ICA1: variants seen among roughly 807,000 people sequenced by gnomAD.
The protein encoded by ICA1 is 69 kDa islet cell autoantigen.
A neutral mutation model predicts 71.0 loss-of-function variants in ICA1; 40 were observed. The ratio of observed to expected loss-of-function variants is 0.56; its 90% confidence interval spans 0.44 to 0.73. The LOEUF is 0.73. ICA1 is among the 30% of genes least tolerant of loss of function. ICA1 has a pLI of 0.00. For missense variants in ICA1, 578 were observed against 576.5 expected, an observed-to-expected ratio of 1.00 and a Z score of -0.03; for synonymous variants, 207 against 209.5, an observed-to-expected ratio of 0.99 and a Z score of 0.10.
chr7:8,176,959 C>T (rs1236399029), intron 6 of ICA1, among the ~76,000 whole-genome samples: 3 of 152,174 alleles, frequency 2.0e-5, no homozygotes, highest in Admixed American at 1.3e-4. Flanking sequence ...CACTTTACCT[C>T]CTCAATTACA....
At chr7:8,135,053 G>A (rs1179040162) in intron 12 of ICA1, among the ~76,000 whole-genome samples, 1 of 151,618 alleles carries the variant, frequency 6.6e-6, no homozygotes, top group Non-Finnish European at 1.5e-5. Context: ...TTGAGACAGA[G>A]TGTTACTCTG....
intron 13 of ICA1, among the ~76,000 whole-genome samples, chr7:8,117,494 T>C (rs1378629533): frequency 6.6e-6 from 1 of 152,240 alleles, no homozygotes. Context: ...TCTGCTTTCA[T>C]TGTATATATG....
At chr7:8,168,052 G>A (rs564755257) in intron 6 of ICA1, among the ~76,000 whole-genome samples, 3 of 152,136 alleles carry the variant, frequency 2.0e-5, no homozygotes, top group African/African-American at 7.2e-5. Context: ...GAGAGAGACG[G>A]AGAGACTGAG....
intron 8 of ICA1, among the ~76,000 whole-genome samples, chr7:8,150,235 T>C (rs1008107949): frequency 1.3e-5 from 2 of 152,204 alleles, no homozygotes; most frequent in Non-Finnish European, 2.9e-5. Context: ...GGTTTACCCA[T>C]GAGAACAATG....
chr7:8,228,925 A>T (rs1799447580), intron 3 of ICA1, among the ~76,000 whole-genome samples: 1 of 152,222 alleles, frequency 6.6e-6, no homozygotes, highest in African/African-American at 2.4e-5. Flanking sequence ...TATTTCTCCC[A>T]GTCTACTGAA....
chr7:8,246,999 G>A (rs561019166), intron 1 of ICA1, among the ~76,000 whole-genome samples: 17 of 152,238 alleles, frequency 1.1e-4, no homozygotes, highest in Middle Eastern at 3.4e-3. Flanking sequence ...ACCCGCCTTG[G>A]CCTCCCAAAG....
chr7:8,212,639 G>A (rs369021031), intron 6 of ICA1, among the ~76,000 whole-genome samples: 31 of 152,302 alleles, frequency 2.0e-4, no homozygotes, highest in African/African-American at 6.0e-4. Flanking sequence ...TTCAGTGGAT[G>A]AGAAAACTGC....
intron 2 of ICA1, 148 bp from the exon 3 acceptor site, chr7:8,232,903 T>C: frequency 1.6e-6 from 1 of 644,686 alleles, no homozygotes; most frequent in East Asian, 3.2e-5. Flanking sequence ...TATCTGGGTG[T>C]TACACCAAGG....
chr7:8,228,738 A>G, intron 3 of ICA1, 65 bp from the exon 4 acceptor site: 3 of 1,084,726 alleles, frequency 2.8e-6, no homozygotes, highest in Non-Finnish European at 2.7e-6. Context: ...AAATAATTAC[A>G]TTGAACACAA....
intron 6 of ICA1, among the ~76,000 whole-genome samples, chr7:8,167,188 G>C (rs1253940774): frequency 2.0e-5 from 3 of 152,138 alleles, no homozygotes; most frequent in Non-Finnish European, 2.9e-5. Flanking sequence ...GCTCATCATA[G>C]CACTATTCAT....
chr7:8,195,411 G>A lies in ICA1; in HGVS notation c.579+22894C>T, dbSNP rs139342674. On this transcript the variant is annotated intron_variant, in intron 6 of 13. Transcript: ENST00000402384. ...GAAAAAATTAGCCGGGTGTGGTGGCGCATGCTGATAATCCCAGCTACTTTG... is the reference window on the plus strand; with the variant it reads ...GAAAAAATTAGCCGGGTGTGGTGGCACATGCTGATAATCCCAGCTACTTTG... Among the ~76,000 whole-genome samples, 397 of 151,998 alleles carry A rather than the reference G, an allele frequency of 2.6e-3. 3 individuals are homozygous for A. The highest frequency in any genetic ancestry group is 0.011 in the East Asian group (56 of 5,142).
intron 6 of ICA1, among the ~76,000 whole-genome samples, chr7:8,206,873 T>C (rs1791782692): frequency 6.6e-6 from 1 of 152,202 alleles, no homozygotes; most frequent in East Asian, 1.9e-4. Context: ...TTTTCCCCTA[T>C]GGTCCCTCCT....
chr7:8,230,315 T>C (rs1039861601), intron 3 of ICA1, among the ~76,000 whole-genome samples: 2 of 152,206 alleles, frequency 1.3e-5, no homozygotes, highest in African/African-American at 4.8e-5. Flanking sequence ...ATATTATAGC[T>C]TGGAACACAA....
At chr7:8,257,406 G>A (rs1473534853) in intron 1 of ICA1, among the ~76,000 whole-genome samples, 1 of 152,098 alleles carries the variant, frequency 6.6e-6, no homozygotes. Context: ...TCATGATGAT[G>A]GTAAGAGATG....
intron 1 of ICA1, among the ~76,000 whole-genome samples, chr7:8,253,349 A>G (rs1808861761): frequency 6.6e-6 from 1 of 152,218 alleles, no homozygotes; most frequent in African/African-American, 2.4e-5. Context: ...TGTGTGCACA[A>G]TGTACTATTT....
At chr7:8,201,120 G>A (rs1236760579) in intron 6 of ICA1, among the ~76,000 whole-genome samples, 1 of 152,178 alleles carries the variant, frequency 6.6e-6, no homozygotes, top group African/African-American at 2.4e-5. Context: ...CTATTTGCAT[G>A]TCTATGTGCC....
intron 6 of ICA1, among the ~76,000 whole-genome samples, chr7:8,177,147 T>C (rs1279447111): frequency 1.3e-5 from 2 of 152,234 alleles, no homozygotes; most frequent in African/African-American, 2.4e-5. Flanking sequence ...CACTATGTAA[T>C]TACATCCGTT....
intron 8 of ICA1, among the ~76,000 whole-genome samples, chr7:8,150,169 G>A (rs1798333060): frequency 6.6e-6 from 1 of 152,178 alleles, no homozygotes; most frequent in Non-Finnish European, 1.5e-5. Flanking sequence ...ATGGACTTTG[G>A]AGATGGATCA....
Position 8,138,713 on chromosome 7 carries a change from T to C in ICA1, c.1060+127A>G, listed in dbSNP as rs191861777. 1.9e-5 allele frequency: 14 copies of C among 735,206 alleles called. No homozygotes were observed. The East Asian group carries it at 3.5e-4, about 18-fold the overall frequency. The allele number at this position is 735,206 out of a possible 1,614,324, so 45.5% of individuals were successfully genotyped here. A position where few individuals can be genotyped will look rare whatever the true frequency, so the allele number is the denominator to read the frequency against. ...TATTTGAGGTCATTTATAAAGACTGTCACCCAAAAAACTTTCCTTTGGAAT... is the reference window on the plus strand; with the variant it reads ...TATTTGAGGTCATTTATAAAGACTGCCACCCAAAAAACTTTCCTTTGGAAT... On this transcript the variant is annotated intron_variant, in intron 12 of 13. Transcript: ENST00000402384.
Sources: allele counts gnomAD v4.1 joint callset (sites outside exome capture counted in the v4.1 genomes callset), GRCh38; gene constraint gnomAD v4.1.1; transcripts MANE v1.5; gene names NCBI Gene and HGNC (gene_info 2026-07-23, HGNC 2026-07-21).